The following LDOC1 variants were observed in gnomAD, a reference collection of about 807,000 sequenced individuals.
LDOC1 encodes LDOC1 regulator of NFKB signaling.
A neutral mutation model predicts 4.9 loss-of-function variants in LDOC1; 1 was observed. That is an observed-to-expected ratio of 0.20 (90% CI 0.07 to 0.96). LDOC1 has a LOEUF of 0.96. Ranked by LOEUF, LDOC1 falls within the 40% of genes least tolerant of loss-of-function variation. The probability of loss-of-function intolerance (pLI) is 0.62; values close to 1 mark genes in which losing one functional copy is unlikely to be tolerated. For synonymous variants in LDOC1, 55 were observed against 58.3 expected, an observed-to-expected ratio of 0.94 and a Z score of 0.26; for missense variants, 76 against 128.1, an observed-to-expected ratio of 0.59 and a Z score of 1.96.
At position 141,176,456 on chromosome X, in the gene LDOC1, G is replaced by C. The variant is rs1556283398; in HGVS notation, c.*125C>G. 3.6e-6 allele frequency: 3 copies of C among 832,205 alleles called. No individual in the cohort carries two copies. Among genetic ancestry groups the C allele is most frequent in the Non-Finnish European group, 5.0e-6 (3 of 605,157 alleles). The allele number at this position is 832,205 out of a possible 1,213,427, so 68.6% of individuals were successfully genotyped here. A position where few individuals can be genotyped will look rare whatever the true frequency, so the allele number is the denominator to read the frequency against. On this transcript the variant is annotated 3_prime_UTR_variant, in exon 1 of 1. Coordinates refer to ENST00000370526, the MANE Select transcript of LDOC1 (RefSeq NM_012317.4). ...GGAGAAATGAAGAGAGAGAGCAGAC[G>C]GGCGCGGGTAGGTAAGGGGACCGGA...
In LDOC1 at chrX:141,176,770, G is replaced by A; in HGVS notation, c.252C>T (p.Asn84=). ...TTAGGAATGCCACCTTCATGGCGTC[G>A]TTGCAGAATCGGTTCTCGTTCACGA... The part of the protein sequence containing the change: ...YMLVNENRFC[N]DAMKVAFLIS... The change falls in exon 1 of 1, where the codon AAC becomes AAT. Residue 84 remains asparagine, a synonymous_variant. Coordinates refer to ENST00000370526, the MANE Select transcript of LDOC1 (RefSeq NM_012317.4). 1 of 1,212,143 alleles carries A rather than the reference G, an allele frequency of 8.2e-7. No homozygotes were observed. Among genetic ancestry groups the A allele is most frequent in the South Asian group, 1.8e-5 (1 of 57,010 alleles).
Position 141,173,882 on chromosome X carries a change from C to G in LDOC1, c.*2699G>C, listed in dbSNP as rs1413626729. ...CCCAGATTCTCTTCCTGGCCCTTTC[C>G]TGTAACTAATCATCAAAGTTCTGAC... On this transcript the variant is annotated 3_prime_UTR_variant, in exon 1 of 1. Coordinates refer to ENST00000370526, the MANE Select transcript of LDOC1 (RefSeq NM_012317.4). 1.8e-5 allele frequency among the ~76,000 whole-genome samples: 2 copies of G among 111,835 alleles called. No individual in the cohort carries two copies. The highest frequency in any genetic ancestry group is 5.7e-4 in the East Asian group (2 of 3,534).
Position 141,177,079 on chromosome X carries a change from G to C in LDOC1, c.-58C>G, listed in dbSNP as rs1346991130. On this transcript the variant is annotated 5_prime_UTR_variant, in exon 1 of 1. Coordinates refer to ENST00000370526, the MANE Select transcript of LDOC1 (RefSeq NM_012317.4). ...GGTTCGGCTCGGCCAAGGTGCGCAC[G>C]GAGCCCTCGCAGGAAGTGCGTGTCC... 1.9e-6 allele frequency: 2 copies of C among 1,053,324 alleles called. No homozygotes were observed. The highest frequency in any genetic ancestry group is 2.5e-6 in the Non-Finnish European group (2 of 804,032). 86.8% of individuals were successfully genotyped at this position (1,053,324 alleles called of 1,213,427 possible).
chrX:141,173,987 C>A lies in LDOC1; in HGVS notation c.*2594G>T, dbSNP rs2013593124. On this transcript the variant is annotated 3_prime_UTR_variant, in exon 1 of 1. Coordinates refer to ENST00000370526, the MANE Select transcript of LDOC1 (RefSeq NM_012317.4). Reference sequence around the variant, plus strand: ...TTTATTCAAAGATGTTTCTGTAACTCCACTCAGCATAACTGGGCCATAATC... The same window carrying A: ...TTTATTCAAAGATGTTTCTGTAACTACACTCAGCATAACTGGGCCATAATC... Among the ~76,000 whole-genome samples, 1 of 111,961 alleles carries A rather than the reference C, an allele frequency of 8.9e-6. No individual in the cohort carries two copies. Among genetic ancestry groups the A allele is most frequent in the Admixed American group, 9.5e-5 (1 of 10,524 alleles).
Position 141,174,956 on chromosome X carries a change from A to G in LDOC1, c.*1625T>C, listed in dbSNP as rs1190200856. On this transcript the variant is annotated 3_prime_UTR_variant, in exon 1 of 1. Coordinates refer to ENST00000370526, the MANE Select transcript of LDOC1 (RefSeq NM_012317.4). ...AAGCTGCTCTGCATTAAACATTTCA[A>G]TGACTTAACCTGGAGCAATGGCCTC... Among the ~76,000 whole-genome samples, 1 of 111,564 alleles carries G rather than the reference A, an allele frequency of 9.0e-6. No individual in the cohort carries two copies. Among genetic ancestry groups the G allele is most frequent in the Non-Finnish European group, 1.9e-5 (1 of 53,151 alleles).
rs2013597218 is a variant in LDOC1 at position 141,174,552 on chromosome X, G to C, written c.*2029C>G. On this transcript the variant is annotated 3_prime_UTR_variant, in exon 1 of 1. Transcript: ENST00000370526. ...CCTACTAAAGCCAGGCTCAGAGTCA[G>C]AGACTTGCTTTCTGAGACTTCTGTT... is the stretch of plus-strand genomic sequence containing the variant. 8.9e-6 allele frequency among the ~76,000 whole-genome samples: 1 copy of C among 112,003 alleles called. No homozygotes were observed. The highest frequency in any genetic ancestry group is 3.7e-4 in the South Asian group (1 of 2,680).
Position 141,177,075 on chromosome X carries a change from G to C in LDOC1, c.-54C>G. On this transcript the variant is annotated 5_prime_UTR_variant, in exon 1 of 1. Transcript: ENST00000370526. ...GCTCGGTTCGGCTCGGCCAAGGTGC[G>C]CACGGAGCCCTCGCAGGAAGTGCGT... is the stretch of plus-strand genomic sequence containing the variant. The C allele has an allele frequency of 1.0e-6, 1 of 966,401 alleles. No homozygotes were observed. The highest frequency in any genetic ancestry group is 1.3e-6 in the Non-Finnish European group (1 of 747,754). The allele number at this position is 966,401 out of a possible 1,213,427, so 79.6% of individuals were successfully genotyped here.
chrX:141,176,468 G>C lies in LDOC1; in HGVS notation c.*113C>G, dbSNP rs1272285721. On this transcript the variant is annotated 3_prime_UTR_variant, in exon 1 of 1. Coordinates refer to ENST00000370526, the MANE Select transcript of LDOC1 (RefSeq NM_012317.4). Reference sequence around the variant, plus strand: ...AGAGAGAGCAGACGGGCGCGGGTAGGTAAGGGGACCGGAGGGCAAGGGGGA... The same window carrying C: ...AGAGAGAGCAGACGGGCGCGGGTAGCTAAGGGGACCGGAGGGCAAGGGGGA... 4 of 970,408 alleles carry C rather than the reference G, an allele frequency of 4.1e-6. No homozygotes were observed. The Admixed American group carries it at 1.1e-4, about 26-fold the overall frequency. The allele number at this position is 970,408 out of a possible 1,213,427, so 80.0% of individuals were successfully genotyped here. A position where few individuals can be genotyped will look rare whatever the true frequency, so the allele number is the denominator to read the frequency against.
At position 141,177,106 on chromosome X, in the gene LDOC1, C is replaced by A; in HGVS notation, c.-85G>T. 1.0e-6 allele frequency: 1 copy of A among 983,978 alleles called. No individual in the cohort carries two copies. Among genetic ancestry groups the A allele is most frequent in the South Asian group, 3.9e-5 (1 of 25,764 alleles). 81.1% of individuals were successfully genotyped at this position (983,978 alleles called of 1,213,427 possible). A position where few individuals can be genotyped will look rare whatever the true frequency, so the allele number is the denominator to read the frequency against. ...AGCCCTCGCAGGAAGTGCGTGTCCA[C>A]GGAGGCGCTTGGTGGCCAGGGGCGG... On this transcript the variant is annotated 5_prime_UTR_variant, in exon 1 of 1. Transcript: ENST00000370526.
Position 141,176,566 on chromosome X carries a change from CCGAGGGT to C in LDOC1, c.*8_*14del, listed in dbSNP as rs782232168. On this transcript the variant is annotated 3_prime_UTR_variant, in exon 1 of 1. Transcript: ENST00000370526. Reference sequence around the variant, plus strand: ...CGTGCAGGGCCCTCCCCCCCGAGGCCCGAGGGTCGAGGGCCTAATAATCATCCTCCTC... The same window carrying C: ...CGTGCAGGGCCCTCCCCCCCGAGGCCCGAGGGCCTAATAATCATCCTCCTC... 141 of 1,190,767 alleles carry C rather than the reference CCGAGGGT, an allele frequency of 1.2e-4. 1 individual carries two copies. Among genetic ancestry groups the C allele is most frequent in the East Asian group, 1.5e-4 (5 of 32,708 alleles).
Position 141,176,403 on chromosome X carries a change from C to CTT in LDOC1, c.*177_*178insAA, listed in dbSNP as rs2013615240. The CTT allele has an allele frequency of 3.4e-6, 2 of 591,513 alleles. No individual in the cohort carries two copies. Among genetic ancestry groups the CTT allele is most frequent in the Non-Finnish European group, 5.1e-6 (2 of 391,244 alleles). The allele number at this position is 591,513 out of a possible 1,213,427, so 48.7% of individuals were successfully genotyped here. On this transcript the variant is annotated 3_prime_UTR_variant, in exon 1 of 1. Coordinates refer to ENST00000370526, the MANE Select transcript of LDOC1 (RefSeq NM_012317.4). ...ACCCCAGCAGCAGGTAACTGGAGCG[C>CTT]TATTCCTGGAACAAAGACAAGCACT... is the stretch of plus-strand genomic sequence containing the variant.
In LDOC1 at chrX:141,174,313, C is replaced by A. The variant is rs1341602778; in HGVS notation, c.*2268G>T. The stretch of plus-strand genomic sequence containing the variant: ...CTCATTTCCACCCAAGCCTCAGCCT[C>A]TTTTATTAAGTCATACGCAACCCTG... On this transcript the variant is annotated 3_prime_UTR_variant, in exon 1 of 1. Transcript: ENST00000370526. Among the ~76,000 whole-genome samples, 1 of 111,328 alleles carries A rather than the reference C, an allele frequency of 9.0e-6. No homozygotes were observed. Among genetic ancestry groups the A allele is most frequent in the Non-Finnish European group, 1.9e-5 (1 of 53,106 alleles).
Position 141,176,575 on chromosome X carries a change from G to A in LDOC1, c.*6C>T. 1 of 1,201,064 alleles carries A rather than the reference G, an allele frequency of 8.3e-7. No homozygotes were observed. The highest frequency in any genetic ancestry group is 1.1e-6 in the Non-Finnish European group (1 of 888,405). ...CCCTCCCCCCCGAGGCCCGAGGGTC[G>A]AGGGCCTAATAATCATCCTCCTCTT... On this transcript the variant is annotated 3_prime_UTR_variant, in exon 1 of 1. Coordinates refer to ENST00000370526, the MANE Select transcript of LDOC1 (RefSeq NM_012317.4).
Position 141,176,462 on chromosome X carries a change from G to T in LDOC1, c.*119C>A. On this transcript the variant is annotated 3_prime_UTR_variant, in exon 1 of 1. Coordinates refer to ENST00000370526, the MANE Select transcript of LDOC1 (RefSeq NM_012317.4). ...ATGAAGAGAGAGAGCAGACGGGCGC[G>T]GGTAGGTAAGGGGACCGGAGGGCAA... 1.1e-6 allele frequency: 1 copy of T among 877,625 alleles called. No homozygotes were observed. The highest frequency in any genetic ancestry group is 1.6e-6 in the Non-Finnish European group (1 of 643,474). The allele number at this position is 877,625 out of a possible 1,213,427, so 72.3% of individuals were successfully genotyped here.
chrX:141,174,850 T>C lies in LDOC1; in HGVS notation c.*1731A>G, dbSNP rs1434986839. Among the ~76,000 whole-genome samples, 1 of 112,216 alleles carries C rather than the reference T, an allele frequency of 8.9e-6. No individual in the cohort carries two copies. The highest frequency in any genetic ancestry group is 9.5e-5 in the Admixed American group (1 of 10,573). ...CCAGACATGGTACAATGAGGACATC[T>C]GGACAGATATAAAAGAGAACTCTGA... On this transcript the variant is annotated 3_prime_UTR_variant, in exon 1 of 1. Transcript: ENST00000370526.
chrX:141,176,511 G>A lies in LDOC1; in HGVS notation c.*70C>T. 8.8e-7 allele frequency: 1 copy of A among 1,134,165 alleles called. No homozygotes were observed. Among genetic ancestry groups the A allele is most frequent in the Non-Finnish European group, 1.2e-6 (1 of 855,626 alleles). The allele number at this position is 1,134,165 out of a possible 1,213,427, so 93.5% of individuals were successfully genotyped here. A position where few individuals can be genotyped will look rare whatever the true frequency, so the allele number is the denominator to read the frequency against. On this transcript the variant is annotated 3_prime_UTR_variant, in exon 1 of 1. Transcript: ENST00000370526. ...AAGGGGGAGAGCAGTGGCTCCTGGC[G>A]GGGTGAGGGCTGCGGGGAGGGGGTG...
rs2013622998 is a variant in LDOC1 at position 141,176,901 on chromosome X, G to C, written c.121C>G (p.Leu41Val). The C allele has an allele frequency of 3.3e-6, 4 of 1,211,843 alleles. No individual in the cohort carries two copies. Among genetic ancestry groups the C allele is most frequent in the Non-Finnish European group, 4.5e-6 (4 of 895,531 alleles). ...CAGCTCGGCGGACGTACCTGGCGCAGCAGGCTGGCCCTCTCGCACACCAGC... is the reference window on the plus strand; with the variant it reads ...CAGCTCGGCGGACGTACCTGGCGCACCAGGCTGGCCCTCTCGCACACCAGC... Reference protein sequence around the residue: ...RLLVCERASLLRQVRPPSCPV... With the variant: ...RLLVCERASLVRQVRPPSCPV... The change falls in exon 1 of 1, where the codon CTG (leucine) becomes GTG (valine). Residue 41 changes from leucine to valine, a missense_variant. By Grantham distance (32) the Leu-to-Val change is conservative. Coordinates refer to ENST00000370526, the MANE Select transcript of LDOC1 (RefSeq NM_012317.4).
Position 141,176,965 on chromosome X carries a change from C to T in LDOC1, c.57G>A (p.Leu19=), listed in dbSNP as rs1556283572. The change falls in exon 1 of 1, where the codon CTG becomes CTA. Residue 19 remains leucine (L), a synonymous_variant. Transcript: ENST00000370526. ...LHALLMRHRA[L]SIENSQLMEQ... ...CCATGAGCTGGCTGTTCTCGATGCTCAGGGCGCGGTGCCGCATCAGGAGCG... is the reference window on the plus strand; with the variant it reads ...CCATGAGCTGGCTGTTCTCGATGCTTAGGGCGCGGTGCCGCATCAGGAGCG... The T allele has an allele frequency of 3.3e-6, 4 of 1,208,996 alleles. No homozygotes were observed. The Admixed American group carries it at 6.5e-5, about 20-fold the overall frequency.
At position 141,175,601 on chromosome X, in the gene LDOC1, C is replaced by T. The variant is rs1556283044; in HGVS notation, c.*980G>A. 8.9e-6 allele frequency: 1 copy of T among 111,768 alleles called. No homozygotes were observed. Among genetic ancestry groups the T allele is most frequent in the East Asian group, 2.8e-4 (1 of 3,552 alleles). 9.2% of individuals were successfully genotyped at this position (111,768 alleles called of 1,213,427 possible). On this transcript the variant is annotated 3_prime_UTR_variant, in exon 1 of 1. Coordinates refer to ENST00000370526, the MANE Select transcript of LDOC1 (RefSeq NM_012317.4). The stretch of plus-strand genomic sequence containing the variant: ...GGAGCATCAGAACCCTGACAAAGCC[C>T]TGAGGTAGCTGTCCCCAGCAGCCTG...
Sources: allele counts gnomAD v4.1 joint callset (sites outside exome capture counted in the v4.1 genomes callset), GRCh38; gene constraint gnomAD v4.1.1; transcripts MANE v1.5; gene names NCBI Gene and HGNC (gene_info 2026-07-23, HGNC 2026-07-21).